The following AUTS2 variants were observed in gnomAD, a reference collection of about 807,000 sequenced individuals.
AUTS2 encodes the protein activator of transcription and developmental regulator AUTS2.
A neutral mutation model predicts 112.4 loss-of-function variants in AUTS2; 17 were observed. That is an observed-to-expected ratio of 0.15 (90% CI 0.10 to 0.23). The LOEUF (loss-of-function observed/expected upper bound fraction) is 0.23. Ranked by LOEUF, AUTS2 falls within the 10% of genes least tolerant of loss-of-function variation. The pLI is 1.00. For synonymous variants in AUTS2, 751 were observed against 702.7 expected (o/e 1.07, Z -1.09); for missense variants, 1,510 against 1,701.6 (o/e 0.89, Z 1.98).
intron 1 of AUTS2, among the ~76,000 whole-genome samples, chr7:69,760,208 T>TC (rs933826249): frequency 3.4e-5 from 5 of 149,130 alleles, no homozygotes; most frequent in African/African-American, 1.2e-4. Context: ...TTTTTTTTTT[T>TC]TTTTTTAAAT....
intron 5 of AUTS2, among the ~76,000 whole-genome samples, chr7:70,617,605 G>A (rs1035244376): frequency 1.3e-5 from 2 of 152,040 alleles, no homozygotes; most frequent in African/African-American, 4.8e-5. Context: ...AGAGCTTGCA[G>A]TGAGCTGAGA....
chr7:70,518,609 G>GGAGCC (rs1047973750), intron 5 of AUTS2, among the ~76,000 whole-genome samples: 1 of 151,914 alleles, frequency 6.6e-6, no homozygotes, highest in African/African-American at 2.4e-5. Flanking sequence ...GCGTGAACCA[G>GGAGCC]GAGCCGGAGC....
chr7:69,917,822 T>TTTGTTGTTGTTGTTGTTG (rs58362194), intron 2 of AUTS2, among the ~76,000 whole-genome samples: 1 of 149,230 alleles, frequency 6.7e-6, no homozygotes, highest in East Asian at 2.0e-4. Context: ...CAAGGACACC[T>TTTGTTGTTGTTGTTGTTG]TTGTTGTTGT....
chr7:70,733,986 A>G (rs553354493), intron 6 of AUTS2, among the ~76,000 whole-genome samples: 3 of 151,900 alleles, frequency 2.0e-5, no homozygotes, highest in Admixed American at 1.3e-4. Flanking sequence ...GGCACCCTAC[A>G]GTCTCTTGGT....
rs374519803 is a variant in AUTS2 at position 69,837,453 on chromosome 7, A to T, written c.310-61833A>T. Reference sequence around the variant, plus strand: ...GGTTACCTTTTGTTCTCTTTATGCTACTCAGGGGGCCCAAAATGATTCCAG... The same window carrying T: ...GGTTACCTTTTGTTCTCTTTATGCTTCTCAGGGGGCCCAAAATGATTCCAG... On this transcript the variant is annotated intron_variant, in intron 1 of 18. Coordinates refer to ENST00000342771, the MANE Select transcript of AUTS2 (RefSeq NM_015570.4). 3.7e-4 allele frequency among the ~76,000 whole-genome samples: 56 copies of T among 151,996 alleles called. No homozygotes were observed. In the East Asian group the frequency reaches 7.0e-3, roughly 19 times the overall value.
chr7:70,539,349 T>C (rs1268279179), intron 5 of AUTS2, among the ~76,000 whole-genome samples: 1 of 152,142 alleles, frequency 6.6e-6, no homozygotes, highest in African/African-American at 2.4e-5. Context: ...GCAGATTTTG[T>C]TGTGAGGCCA....
intron 5 of AUTS2, among the ~76,000 whole-genome samples, chr7:70,543,185 G>A (rs1282850116): frequency 6.6e-6 from 1 of 152,140 alleles, no homozygotes; most frequent in East Asian, 1.9e-4. Flanking sequence ...AAATAAGGGA[G>A]GAGTATTATA....
At chr7:69,731,623 C>T (rs1786798341) in intron 1 of AUTS2, among the ~76,000 whole-genome samples, 1 of 152,170 alleles carries the variant, frequency 6.6e-6, no homozygotes, top group South Asian at 2.1e-4. Flanking sequence ...GTGTTTTATA[C>T]AGAATGGGTT....
intron 1 of AUTS2, among the ~76,000 whole-genome samples, chr7:69,730,019 T>TTTTTTTTTTTTTTTTTTTTTTA (rs10684332): frequency 1.5e-5 from 2 of 132,040 alleles, no homozygotes; most frequent in South Asian, 2.3e-4. Flanking sequence ...TTTTTTTTTT[T>TTTTTTTTTTTTTTTTTTTTTTA]AGAAACTAGG....
chr7:70,428,077 C>T (rs1194233825), intron 4 of AUTS2, among the ~76,000 whole-genome samples: 1 of 152,126 alleles, frequency 6.6e-6, no homozygotes, highest in Non-Finnish European at 1.5e-5. Context: ...TTTATTTGAT[C>T]AGGCGTAGTT....
chr7:69,730,291 T>C (rs1447559894), intron 1 of AUTS2, among the ~76,000 whole-genome samples: 1 of 152,194 alleles, frequency 6.6e-6, no homozygotes, highest in Non-Finnish European at 1.5e-5. Flanking sequence ...TAGTTTTTCA[T>C]TACAAAGCAG....
At chr7:70,643,918 T>A (rs980124752) in intron 5 of AUTS2, among the ~76,000 whole-genome samples, 7 of 152,120 alleles carry the variant, frequency 4.6e-5, no homozygotes, top group Non-Finnish European at 8.8e-5. Flanking sequence ...ATCCCTCCCT[T>A]TCCACCAAGA....
intron 6 of AUTS2, among the ~76,000 whole-genome samples, chr7:70,752,075 G>A (rs1788899934): frequency 6.6e-6 from 1 of 151,912 alleles, no homozygotes. Flanking sequence ...TATGTGCGTA[G>A]TACACAGTGT....
In AUTS2 at chr7:70,608,581, C is replaced by G. The variant is rs111529979; in HGVS notation, c.691-89988C>G. On this transcript the variant is annotated intron_variant, in intron 5 of 18. Transcript: ENST00000342771. The stretch of plus-strand genomic sequence containing the variant: ...ATAACTTTTTCAGAGCAGCCTCCCC[C>G]CATAGTAAGAAAATTAAAGGTATTC... Among the ~76,000 whole-genome samples, 103 of 152,232 alleles carry G rather than the reference C, an allele frequency of 6.8e-4. 1 individual carries two copies. The highest frequency in any genetic ancestry group is 2.2e-3 in the African/African-American group (93 of 41,528).
intron 1 of AUTS2, among the ~76,000 whole-genome samples, chr7:69,868,154 AAC>A (rs943999448): frequency 6.6e-6 from 1 of 152,172 alleles, no homozygotes; most frequent in African/African-American, 2.4e-5. Flanking sequence ...CAAATTATGA[AAC>A]AGTTTGTGCA....
At chr7:69,874,448 A>G (rs1793637970) in intron 1 of AUTS2, among the ~76,000 whole-genome samples, 1 of 152,206 alleles carries the variant, frequency 6.6e-6, no homozygotes, top group Non-Finnish European at 1.5e-5. Flanking sequence ...AGGAAGTGGC[A>G]TGCTTAAACT....
chr7:69,736,745 C>A (rs952087178), intron 1 of AUTS2, among the ~76,000 whole-genome samples: 6 of 152,124 alleles, frequency 3.9e-5, no homozygotes, highest in African/African-American at 9.7e-5. Context: ...TGGTGTTATT[C>A]TCTGGTAAGG....
chr7:70,786,121 A>G (rs1302048419), intron 17 of AUTS2, 83 bp downstream of exon 17: 5 of 1,219,930 alleles, frequency 4.1e-6, no homozygotes, highest in Non-Finnish European at 6.0e-6. Context: ...TTTCTAGAGA[A>G]AAGGAAACTA....
chr7:70,530,983 A>C (rs942029027), intron 5 of AUTS2, among the ~76,000 whole-genome samples: 5 of 152,198 alleles, frequency 3.3e-5, no homozygotes, highest in Non-Finnish European at 5.9e-5. Flanking sequence ...TACCATCCCT[A>C]GAAGTAGGCA....
Sources: allele counts gnomAD v4.1 joint callset (sites outside exome capture counted in the v4.1 genomes callset), GRCh38; gene constraint gnomAD v4.1.1; transcripts MANE v1.5; gene names NCBI Gene and HGNC (gene_info 2026-07-23, HGNC 2026-07-21).